The following ADCK1 variants were observed in gnomAD, a reference collection of about 807,000 sequenced individuals.
ADCK1 encodes aarF domain-containing protein kinase 1.
ADCK1 carries 41 observed loss-of-function variants against 52.3 expected under a neutral mutation model. That is an observed-to-expected ratio of 0.78 (90% confidence interval 0.61 to 1.02). The LOEUF (loss-of-function observed/expected upper bound fraction) is 1.02. Ranked by LOEUF, ADCK1 falls within the 50% of genes least tolerant of loss-of-function variation. The pLI is 0.00. For synonymous variants in ADCK1, 250 were observed against 274.6 expected (o/e 0.91, Z 0.89); for missense variants, 658 against 679.5 (o/e 0.97, Z 0.35).
chr14:77,852,670 T>A (rs912329380), intron 3 of ADCK1, among the ~76,000 whole-genome samples: 1 of 9,518 alleles, frequency 1.1e-4, no homozygotes, highest in Admixed American at 1.5e-3. Context: ...AATATATATA[T>A]ATATATATAT....
At chr14:77,931,756 C>T in intron 10 of ADCK1, 45 bp downstream of exon 10, 1 of 1,571,880 alleles carries the variant, frequency 6.4e-7, no homozygotes, top group Non-Finnish European at 8.6e-7. Flanking sequence ...GCCCCCTGGC[C>T]TGCCCCAGGG....
chr14:77,826,395 G>A (rs967468857), intron 3 of ADCK1, among the ~76,000 whole-genome samples: 6 of 152,148 alleles, frequency 3.9e-5, no homozygotes, highest in Admixed American at 2.0e-4. Flanking sequence ...CGGTGACTTC[G>A]AGCACTTTCA....
chr14:77,833,326 CA>C (rs2081896017), intron 3 of ADCK1, among the ~76,000 whole-genome samples: 1 of 152,196 alleles, frequency 6.6e-6, no homozygotes. Flanking sequence ...AGTGAGTTTT[CA>C]AGCACTGTGC....
At chr14:77,855,408 A>G (rs577891792) in intron 3 of ADCK1, among the ~76,000 whole-genome samples, 222 of 152,368 alleles carry the variant, frequency 1.5e-3, no homozygotes, top group Middle Eastern at 0.014. Flanking sequence ...AACTTGCCCA[A>G]GTCCACCAGC....
intron 4 of ADCK1, among the ~76,000 whole-genome samples, chr14:77,880,052 A>C (rs1382443077): frequency 6.6e-6 from 1 of 152,268 alleles, no homozygotes; most frequent in African/African-American, 2.4e-5. Flanking sequence ...CACTGGAATC[A>C]CCAAGCCTTA....
chr14:77,887,229 A>G lies in ADCK1; in HGVS notation c.562A>G (p.Lys188Glu), dbSNP rs780870923. 3.1e-6 allele frequency: 5 copies of G among 1,590,552 alleles called. No individual in the cohort carries two copies. The South Asian group carries it at 3.4e-5, about 11-fold the overall frequency. ...QHPKVRAQSSKDILLMEVLVL... is the reference protein window; with the variant it reads ...QHPKVRAQSSEDILLMEVLVL... ...CCCAAAGGTGCGGGCTCAGAGCTCG[A>G]AGGACATTCTCCTGATGGAGGTGAG... The change falls in exon 5 of 11, where the codon AAG becomes GAG. Residue 188 changes from lysine (K) to glutamate (E), a missense_variant. Lys to Glu is a moderately conservative substitution (Grantham distance 56). Coordinates refer to ENST00000238561, the MANE Select transcript of ADCK1 (RefSeq NM_020421.4).
chr14:77,807,142 C>T (rs1281855260), intron 1 of ADCK1, among the ~76,000 whole-genome samples: 1 of 138,204 alleles, frequency 7.2e-6, no homozygotes, highest in Non-Finnish European at 1.5e-5. Context: ...GATCTCGGCT[C>T]ACTGCAAGCT....
chr14:77,873,012 T>G (rs187487781), intron 4 of ADCK1, among the ~76,000 whole-genome samples: 2 of 152,192 alleles, frequency 1.3e-5, no homozygotes, highest in African/African-American at 4.8e-5. Flanking sequence ...ATGTTTATTT[T>G]AATAGTTTTT....
At position 77,907,853 on chromosome 14, in the gene ADCK1, G is replaced by A; in HGVS notation, c.792G>A (p.Glu264=). ...CCACGGAGCGGGTCCTCCTGATGGAGTTTGTGGATGGCGGGCAGGTCAATG... is the reference window on the plus strand; with the variant it reads ...CCACGGAGCGGGTCCTCCTGATGGAATTTGTGGATGGCGGGCAGGTCAATG... The part of the protein sequence containing the change: ...DLSTERVLLM[E]FVDGGQVNDR... The change falls in exon 7 of 11, where the codon GAG becomes GAA. Residue 264 remains glutamate, a synonymous_variant. Transcript: ENST00000238561. 4 of 1,614,112 alleles carry A rather than the reference G, an allele frequency of 2.5e-6. No individual in the cohort carries two copies. Among genetic ancestry groups the A allele is most frequent in the Non-Finnish European group, 3.4e-6 (4 of 1,179,998 alleles).
chr14:77,913,921 TG>T (rs112335390), intron 7 of ADCK1, among the ~76,000 whole-genome samples: 23,696 of 152,086 alleles, frequency 0.16, 2,206 homozygotes, highest in African/African-American at 0.24. Flanking sequence ...CCCCTGTCCT[TG>T]GGGTGGTGCT....
chr14:77,888,620 G>A (rs1566704458), intron 5 of ADCK1, among the ~76,000 whole-genome samples: 1 of 152,156 alleles, frequency 6.6e-6, no homozygotes, highest in Non-Finnish European at 1.5e-5. Flanking sequence ...TGTAATGGGA[G>A]TAAGGGAGAT....
chr14:77,861,698 G>C (rs543279893), intron 4 of ADCK1, among the ~76,000 whole-genome samples: 1 of 152,216 alleles, frequency 6.6e-6, no homozygotes, highest in Non-Finnish European at 1.5e-5. Flanking sequence ...AGCTCAGACT[G>C]TAGAGAGCGG....
chr14:77,824,917 G>A (rs12884153), intron 3 of ADCK1, among the ~76,000 whole-genome samples: 56,177 of 152,022 alleles, frequency 0.37, 11,517 homozygotes, highest in Admixed American at 0.5. Flanking sequence ...CCTACCTTCA[G>A]GATTTGGCTG....
At chr14:77,913,576 C>A (rs1402444753) in intron 7 of ADCK1, among the ~76,000 whole-genome samples, 1 of 152,214 alleles carries the variant, frequency 6.6e-6, no homozygotes, top group Non-Finnish European at 1.5e-5. Context: ...CTGGGTGGCG[C>A]CTCCCCAAGC....
At chr14:77,814,426 G>GA (rs113468969) in intron 1 of ADCK1, among the ~76,000 whole-genome samples, 103,494 of 145,014 alleles carry the variant, frequency 0.71, 36,927 homozygotes, top group Middle Eastern at 0.79. Flanking sequence ...TCTCTTTACT[G>GA]AAAAAAAAAA....
intron 3 of ADCK1, among the ~76,000 whole-genome samples, chr14:77,836,307 A>C (rs2081958714): frequency 1.3e-5 from 2 of 152,228 alleles, no homozygotes; most frequent in South Asian, 4.1e-4. Context: ...TTAAAAAGTG[A>C]TCCAGTCTCA....
chr14:77,874,857 G>C (rs1356503352), intron 4 of ADCK1, among the ~76,000 whole-genome samples: 1 of 152,154 alleles, frequency 6.6e-6, no homozygotes, highest in African/African-American at 2.4e-5. Context: ...CTTGGCATTT[G>C]AGTGACTGCA....
chr14:77,905,068 C>A (rs895004200), intron 6 of ADCK1, among the ~76,000 whole-genome samples: 1 of 152,082 alleles, frequency 6.6e-6, no homozygotes, highest in African/African-American at 2.4e-5. Context: ...CCAGGGGCAC[C>A]TGTGGTTCTG....
intron 4 of ADCK1, among the ~76,000 whole-genome samples, chr14:77,865,277 G>A (rs1302438870): frequency 1.3e-5 from 2 of 152,132 alleles, no homozygotes; most frequent in Admixed American, 6.5e-5. Context: ...TTAGGAGTTC[G>A]AGACCAGCCT....
Sources: gnomAD v4.1 joint callset for allele counts (sites outside exome capture counted in the v4.1 genomes callset) on GRCh38, gnomAD v4.1.1 for gene constraint, MANE v1.5 for transcripts, NCBI Gene and HGNC (gene_info 2026-07-23, HGNC 2026-07-21) for gene names.